The following ZNF385D variants were observed in gnomAD, a reference collection of about 807,000 sequenced individuals.
The protein encoded by ZNF385D is zinc finger protein 659.
In ZNF385D, 15 loss-of-function variants were observed where a neutral mutation model predicts 35.8. That is an observed-to-expected ratio of 0.42 (90% CI 0.28 to 0.64). The LOEUF (loss-of-function observed/expected upper bound fraction) is 0.64, where lower values mean the gene tolerates loss of function less well. ZNF385D is among the 30% of genes least tolerant of loss of function. The pLI, the probability that ZNF385D is intolerant of heterozygous loss-of-function variation, is 0.23. For missense variants in ZNF385D, 474 were observed against 494.6 expected, an observed-to-expected ratio of 0.96 and a Z score of 0.39; for synonymous variants, 212 against 186.8, an observed-to-expected ratio of 1.13 and a Z score of -1.10.
intron 2 of ZNF385D, among the ~76,000 whole-genome samples, chr3:22,312,887 C>T (rs1260541950): frequency 3.1e-5 from 4 of 130,064 alleles, no homozygotes; most frequent in South Asian, 3.0e-4. Flanking sequence ...TTTGACCCAG[C>T]CATCCCATTA....
At chr3:21,671,258 G>A (rs1014243039) in intron 1 of ZNF385D, among the ~76,000 whole-genome samples, 10 of 152,002 alleles carry the variant, frequency 6.6e-5, no homozygotes, top group African/African-American at 2.4e-4. Context: ...AGAATGGCCA[G>A]CCTGCAGGCT....
intron 2 of ZNF385D, among the ~76,000 whole-genome samples, chr3:22,364,163 C>T (rs528841984): frequency 7.2e-5 from 11 of 152,070 alleles, no homozygotes; most frequent in Admixed American, 1.3e-4. Context: ...TTAAAGTCAT[C>T]TTAAACCCAT....
At chr3:22,152,009 C>T (rs1029243945) in intron 3 of ZNF385D, among the ~76,000 whole-genome samples, 2 of 152,098 alleles carry the variant, frequency 1.3e-5, no homozygotes, top group Non-Finnish European at 2.9e-5. Flanking sequence ...TCCTTCCACC[C>T]TCCACCTTCA....
chr3:21,443,169 G>T, intron 4 of ZNF385D: 1 of 985,280 alleles, frequency 1.0e-6, no homozygotes, highest in Non-Finnish European at 1.2e-6. Flanking sequence ...CACTTTGCAG[G>T]GTACCTGATT....
In ZNF385D at chr3:22,086,690, C is replaced by T. The variant is rs369082629; in HGVS notation, c.325+82127G>A. Among the ~76,000 whole-genome samples, 21 of 152,214 alleles carry T rather than the reference C, an allele frequency of 1.4e-4. No homozygotes were observed. In the East Asian group the frequency reaches 2.5e-3, roughly 18 times the overall value. On this transcript the variant is annotated intron_variant, in intron 3 of 5. Coordinates refer to the ZNF385D transcript ENST00000494108. ...AAAGACTTGGAACCAACCCAAATGT[C>T]CATCAATGATAGACTGGATTAAGAA...
intron 1 of ZNF385D, among the ~76,000 whole-genome samples, chr3:21,734,327 GA>G (rs1559564343): frequency 2.0e-5 from 3 of 151,030 alleles, no homozygotes; most frequent in African/African-American, 7.3e-5. Flanking sequence ...GGAATTCAGA[GA>G]AAAGAATAAT....
chr3:22,370,688 C>T (rs949762618), intron 2 of ZNF385D, among the ~76,000 whole-genome samples: 1 of 152,198 alleles, frequency 6.6e-6, no homozygotes, highest in African/African-American at 2.4e-5. Context: ...GGACTTTTCC[C>T]AATTTAACAT....
chr3:22,122,148 A>C (rs962585176), intron 3 of ZNF385D, among the ~76,000 whole-genome samples: 3 of 151,898 alleles, frequency 2.0e-5, no homozygotes, highest in East Asian at 1.9e-4. Context: ...CCCCCTCAAA[A>C]TCAAAGCTGT....
At chr3:21,587,626 TTAAAA>T (rs1037186149) in intron 2 of ZNF385D, among the ~76,000 whole-genome samples, 12 of 152,180 alleles carry the variant, frequency 7.9e-5, no homozygotes, top group East Asian at 3.9e-4. Context: ...TGTAAGAAAC[TTAAAA>T]TAAGGTTGAA....
At chr3:22,178,626 C>A (rs1400665342) in intron 2 of ZNF385D, among the ~76,000 whole-genome samples, 1 of 152,078 alleles carries the variant, frequency 6.6e-6, no homozygotes, top group Non-Finnish European at 1.5e-5. Flanking sequence ...GTTGCCATTG[C>A]TTTTGGTGTT....
intron 3 of ZNF385D, among the ~76,000 whole-genome samples, chr3:22,123,906 A>G (rs1290586939): frequency 2.1e-5 from 3 of 143,838 alleles, no homozygotes; most frequent in African/African-American, 7.8e-5. Flanking sequence ...CAAAACAAAA[A>G]CTAGAGCTAG....
chr3:22,223,309 A>G (rs776103060), intron 2 of ZNF385D, among the ~76,000 whole-genome samples: 29 of 152,270 alleles, frequency 1.9e-4, no homozygotes, highest in Non-Finnish European at 1.8e-4. Context: ...TGTTTGTTGT[A>G]TAAGTTGTTG....
chr3:21,562,020 T>G (rs2062966948), intron 3 of ZNF385D: 1 of 151,106 alleles, frequency 6.6e-6, no homozygotes. Flanking sequence ...TGCAATTGTT[T>G]AATTATGACC....
At chr3:21,672,859 C>T (rs977442069) in intron 1 of ZNF385D, among the ~76,000 whole-genome samples, 1 of 152,110 alleles carries the variant, frequency 6.6e-6, no homozygotes, top group African/African-American at 2.4e-5. Context: ...CGGGATCTCT[C>T]ACTTATTTAA....
At chr3:22,021,325 T>C (rs1490647877) in intron 3 of ZNF385D, among the ~76,000 whole-genome samples, 1 of 151,972 alleles carries the variant, frequency 6.6e-6, no homozygotes, top group Non-Finnish European at 1.5e-5. Context: ...CCTCAAAGCT[T>C]GTGGGGGAGT....
intron 3 of ZNF385D, among the ~76,000 whole-genome samples, chr3:22,043,264 T>C (rs35918115): frequency 0.11 from 16,408 of 152,158 alleles, 1,167 homozygotes; most frequent in South Asian, 0.26. Context: ...ATTGGAAGCA[T>C]TGAAAACAAT....
At chr3:22,128,920 A>T (rs189707478) in intron 3 of ZNF385D, among the ~76,000 whole-genome samples, 3 of 152,272 alleles carry the variant, frequency 2.0e-5, no homozygotes, top group Non-Finnish European at 2.9e-5. Flanking sequence ...CTAGGTATTT[A>T]TTCTAATATT....
chr3:22,068,225 A>G (rs976488616), intron 3 of ZNF385D, among the ~76,000 whole-genome samples: 1 of 152,190 alleles, frequency 6.6e-6, no homozygotes, highest in Non-Finnish European at 1.5e-5. Flanking sequence ...AGACAGTTGT[A>G]CTATCACTAG....
intron 2 of ZNF385D, among the ~76,000 whole-genome samples, chr3:22,273,275 TAC>T (rs1240202188): frequency 6.6e-6 from 1 of 151,966 alleles, no homozygotes; most frequent in East Asian, 1.9e-4. Flanking sequence ...CTAATACACA[TAC>T]ACACACATCA....
Sources: gnomAD v4.1 joint callset for allele counts (sites outside exome capture counted in the v4.1 genomes callset) on GRCh38, gnomAD v4.1.1 for gene constraint, MANE v1.5 for transcripts, NCBI Gene and HGNC (gene_info 2026-07-23, HGNC 2026-07-21) for gene names.